PCSK5: variants seen among roughly 807,000 people sequenced by gnomAD.
PCSK5 encodes the protein prohormone convertase 5.
A neutral mutation model predicts 233.2 loss-of-function variants in PCSK5; 129 were observed. That is an observed-to-expected ratio of 0.55 (90% CI 0.48 to 0.64). PCSK5 has a LOEUF of 0.64. PCSK5 is among the 30% of genes least tolerant of loss of function. PCSK5 has a pLI of 0.00. For missense variants in PCSK5, 2,076 were observed against 2,430.1 expected (o/e 0.85, Z 3.06); for synonymous variants, 825 against 879.2 (o/e 0.94, Z 1.09).
At chr9:76,208,269 T>C (rs1825199094) in intron 20 of PCSK5, among the ~76,000 whole-genome samples, 1 of 152,122 alleles carries the variant, frequency 6.6e-6, no homozygotes, top group Non-Finnish European at 1.5e-5. Flanking sequence ...AGAGATGAGC[T>C]AACAATGCTG....
chr9:76,100,295 A>G (rs1406086480), intron 8 of PCSK5, among the ~76,000 whole-genome samples: 2 of 152,278 alleles, frequency 1.3e-5, no homozygotes, highest in Admixed American at 1.3e-4. Context: ...GAAAGAATTC[A>G]TTAACATAAT....
chr9:76,083,953 A>T (rs1290720301), intron 7 of PCSK5, among the ~76,000 whole-genome samples: 1 of 152,248 alleles, frequency 6.6e-6, no homozygotes, highest in African/African-American at 2.4e-5. Flanking sequence ...TAAATGACAG[A>T]TTACTGTTAA....
chr9:76,192,573 A>G, intron 20 of PCSK5, among the ~76,000 whole-genome samples: 1 of 152,112 alleles, frequency 6.6e-6, no homozygotes, highest in Admixed American at 6.5e-5. Context: ...CATCTGTTCA[A>G]CCGAGTTAGG....
rs115555039 is a variant in PCSK5 at position 75,907,964 on chromosome 9, T to C, written c.192+16591T>C. ...AGGCTCATGGCAGGGCCTAGCCGGA[T>C]TGGCCATTTAAGTGCCAAAACACTG... On this transcript the variant is annotated intron_variant, in intron 1 of 37. Coordinates refer to ENST00000674117, the MANE Select transcript of PCSK5 (RefSeq NM_001372043.1). Among the ~76,000 whole-genome samples, 995 of 152,330 alleles carry C rather than the reference T, an allele frequency of 6.5e-3. 18 individuals are homozygous for C. The highest frequency in any genetic ancestry group is 0.021 in the African/African-American group (883 of 41,570).
intron 24 of PCSK5, among the ~76,000 whole-genome samples, chr9:76,282,367 G>A (rs11144816): frequency 2.4e-5 from 2 of 82,258 alleles, no homozygotes; most frequent in East Asian, 3.7e-4. Flanking sequence ...TTTTTTTTTC[G>A]AGACAGGGTT....
intron 2 of PCSK5, among the ~76,000 whole-genome samples, chr9:75,966,337 C>T (rs1401443716): frequency 6.6e-6 from 1 of 152,184 alleles, no homozygotes. Context: ...GAAACAAAAA[C>T]TCTACTGTAT....
At chr9:76,231,958 C>A (rs998835615) in intron 21 of PCSK5, among the ~76,000 whole-genome samples, 1 of 150,332 alleles carries the variant, frequency 6.7e-6, no homozygotes, top group Non-Finnish European at 1.5e-5. Flanking sequence ...CTTAGGTTGT[C>A]GGCTTGAATC....
intron 2 of PCSK5, among the ~76,000 whole-genome samples, chr9:75,963,987 C>T (rs1440763887): frequency 6.6e-6 from 1 of 152,218 alleles, no homozygotes; most frequent in African/African-American, 2.4e-5. Context: ...TTTACGTGGC[C>T]TTGGACACTT....
intron 35 of PCSK5, among the ~76,000 whole-genome samples, chr9:76,350,478 CA>C (rs1830092631): frequency 6.6e-6 from 1 of 152,182 alleles, no homozygotes; most frequent in Non-Finnish European, 1.5e-5. Context: ...TGCAGTCCTC[CA>C]AACACTTGGT....
chr9:76,098,593 A>G (rs901862328), intron 8 of PCSK5, among the ~76,000 whole-genome samples: 1 of 152,232 alleles, frequency 6.6e-6, no homozygotes, highest in Non-Finnish European at 1.5e-5. Flanking sequence ...GTTTGAAATC[A>G]TCTTAAGTCA....
rs181016094 is a variant in PCSK5, at chr9:76,250,007, C to G, written c.3142+9323C>G. Reference sequence around the variant, plus strand: ...TACCAAATAACTTATTTAAATATTCCTCTTTTAAGAAAGTGAAGGCCAGGC... The same window carrying G: ...TACCAAATAACTTATTTAAATATTCGTCTTTTAAGAAAGTGAAGGCCAGGC... On this transcript the variant is annotated intron_variant, in intron 24 of 37. Transcript: ENST00000674117. Among the ~76,000 whole-genome samples, 27 of 152,202 alleles carry G rather than the reference C, an allele frequency of 1.8e-4. 1 individual carries two copies. In the East Asian group the frequency reaches 5.2e-3, roughly 29 times the overall value.
Position 76,310,670 on chromosome 9 carries a change from G to T in PCSK5, c.3703G>T (p.Ala1235Ser). The T allele has an allele frequency of 6.3e-7, 1 of 1,583,054 alleles. No homozygotes were observed. Among genetic ancestry groups the T allele is most frequent in the Non-Finnish European group, 8.6e-7 (1 of 1,168,276 alleles). Residue 1235 changes from alanine (A) to serine (S), a missense_variant, in exon 30 of 38, where the codon GCT becomes TCT. This residue lies in a region of PCSK5 where 1,510 missense variants were observed against 1,538.1 expected (regional missense o/e 0.98). Transcript: ENST00000674117. ...TGAATTTCTAGGTGCATATCTTCTG[G>T]CTCAGGCCTGTGTTTCCTCCTGTCC... is the stretch of plus-strand genomic sequence containing the variant. The part of the protein sequence containing the change: ...TSCPKGAYLL[A>S]QACVSSCPQG...
chr9:76,181,409 C>T lies in PCSK5; in HGVS notation c.2015C>T (p.Ser672Phe). 6.2e-7 allele frequency: 1 copy of T among 1,612,688 alleles called. No homozygotes were observed. The highest frequency in any genetic ancestry group is 8.5e-7 in the Non-Finnish European group (1 of 1,179,368). ...GTTTCACAATGCAGGATCTGTGTCT[C>T]CAGCTGCCCCCCTGGCCACTACCAC... Reference protein sequence around the residue: ...KLKNNTRICVSSCPPGHYHAD... With the variant: ...KLKNNTRICVFSCPPGHYHAD... Residue 672 changes from serine to phenylalanine, a missense_variant, in exon 16 of 38, where the codon TCC becomes TTC. Coordinates refer to ENST00000674117, the MANE Select transcript of PCSK5 (RefSeq NM_001372043.1).
At chr9:76,052,429 G>A (rs1829663191) in intron 5 of PCSK5, among the ~76,000 whole-genome samples, 1 of 152,200 alleles carries the variant, frequency 6.6e-6, no homozygotes, top group South Asian at 2.1e-4. Flanking sequence ...GCAAAGCCAT[G>A]TCTTACATGG....
At chr9:76,124,725 G>T (rs1224526842) in intron 9 of PCSK5, among the ~76,000 whole-genome samples, 7 of 126,176 alleles carry the variant, frequency 5.5e-5, no homozygotes, top group Admixed American at 1.9e-4. Flanking sequence ...CCAGCCTGGC[G>T]ACAGAGCAAG....
chr9:76,001,498 A>G (rs1250244716), intron 3 of PCSK5, among the ~76,000 whole-genome samples: 1 of 113,410 alleles, frequency 8.8e-6, no homozygotes, highest in Non-Finnish European at 1.8e-5. Context: ...TTGCCAACAT[A>G]GTTTAGTTTA....
intron 20 of PCSK5, among the ~76,000 whole-genome samples, chr9:76,216,489 CACAA>C (rs1825538088): frequency 1.3e-5 from 2 of 152,150 alleles, no homozygotes; most frequent in African/African-American, 2.4e-5. Flanking sequence ...CAGTGAGTGT[CACAA>C]ACAATATTAT....
At chr9:75,986,745 G>C (rs1158234073) in intron 3 of PCSK5, among the ~76,000 whole-genome samples, 1 of 152,194 alleles carries the variant, frequency 6.6e-6, no homozygotes, top group African/African-American at 2.4e-5. Flanking sequence ...AGTAGACCAG[G>C]AAAGGAAATC....
chr9:76,231,738 T>C (rs1826092511), intron 21 of PCSK5, among the ~76,000 whole-genome samples: 1 of 152,168 alleles, frequency 6.6e-6, no homozygotes, highest in South Asian at 2.1e-4. Flanking sequence ...TGCCATCCGC[T>C]AAAAATCTGG....
Sources: gnomAD v4.1 joint callset for allele counts (sites outside exome capture counted in the v4.1 genomes callset) on GRCh38, gnomAD v4.1.1 for gene constraint, gnomAD v4.1.1 regional missense constraint, MANE v1.5 for transcripts, NCBI Gene and HGNC (gene_info 2026-07-23, HGNC 2026-07-21) for gene names.